PRC1: variants seen among roughly 807,000 people sequenced by gnomAD.
PRC1 encodes anaphase spindle elongation 1 homolog.
PRC1 carries 54 observed loss-of-function variants against 91.2 expected under a neutral mutation model. That is an observed-to-expected ratio of 0.59 (90% CI 0.48 to 0.74). The LOEUF (loss-of-function observed/expected upper bound fraction) is 0.74, where lower values mean the gene tolerates loss of function less well. Among genes scored for constraint, PRC1 ranks in the 30% least tolerant of loss-of-function variants. PRC1 has a pLI of 0.00. For synonymous variants in PRC1, 275 were observed against 263.6 expected (o/e 1.04, Z -0.42); for missense variants, 727 against 746.2 (o/e 0.97, Z 0.30).
At chr15:90,969,280 C>T (rs1217233588) in intron 13 of PRC1, among the ~76,000 whole-genome samples, 160 bp from the exon 14 acceptor site, 3 of 144,736 alleles carry the variant, frequency 2.1e-5, no homozygotes, top group African/African-American at 5.8e-5. Flanking sequence ...TCCTACACAA[C>T]CCCCCCTTAA....
At position 90,967,029 on chromosome 15, in the gene PRC1, GT is replaced by G; in HGVS notation, c.*101del. ...CCCATGGTCATGGAACCTGGCCAAG[GT>G]TTCAAGCACGCCTAAGCTGAAGAAA... On this transcript the variant is annotated 3_prime_UTR_variant, in exon 15 of 15. Transcript: ENST00000394249. The G allele has an allele frequency of 9.6e-7, 1 of 1,043,174 alleles. No individual in the cohort carries two copies. The highest frequency in any genetic ancestry group is 2.4e-5 in the East Asian group (1 of 42,052). 64.6% of individuals were successfully genotyped at this position (1,043,174 alleles called of 1,614,324 possible).
chr15:90,980,110 G>A (rs996823458), intron 7 of PRC1, 132 bp downstream of exon 7: 58 of 1,137,854 alleles, frequency 5.1e-5, no homozygotes, highest in Admixed American at 1.0e-4. Context: ...TTTTGGCTGG[G>A]TGTGGTGGCC....
chr15:90,981,357 T>C, intron 5 of PRC1, 142 bp downstream of exon 5: 1 of 947,248 alleles, frequency 1.1e-6, no homozygotes, highest in Non-Finnish European at 1.5e-6. Context: ...CAAGGTTGTA[T>C]ATCATATATT....
At chr15:90,986,375 T>C (rs1384539819) in intron 1 of PRC1, among the ~76,000 whole-genome samples, 3 of 152,204 alleles carry the variant, frequency 2.0e-5, no homozygotes, top group Non-Finnish European at 4.4e-5. Context: ...ACACCTGTAA[T>C]TCCAGGACTC....
intron 1 of PRC1, among the ~76,000 whole-genome samples, chr15:90,993,110 A>C (rs1372833105): frequency 6.9e-6 from 1 of 145,628 alleles, no homozygotes; most frequent in Non-Finnish European, 1.5e-5. Flanking sequence ...AGTTAATTAT[A>C]TCCATTAGCC....
At chr15:90,978,391 C>G (rs116801237) in intron 8 of PRC1, among the ~76,000 whole-genome samples, 3 of 151,128 alleles carry the variant, frequency 2.0e-5, no homozygotes, top group African/African-American at 7.4e-5. Flanking sequence ...TGAAGAGAGC[C>G]GGGAAGAGCT....
Position 90,969,075 on chromosome 15 carries a change from A to G in PRC1, c.1791+4T>C, listed in dbSNP as rs371702833. On this transcript the variant is annotated splice_donor_region_variant and intron_variant, in intron 14 of 14. Coordinates refer to ENST00000394249, the MANE Select transcript of PRC1 (RefSeq NM_003981.4). ...AAGGGACATGCAGGGATTGCCATAC[A>G]GACCTGAAGCCCAACAGTGGAACTG... The G allele has an allele frequency of 1.1e-4, 182 of 1,614,050 alleles. No individual in the cohort carries two copies. Among genetic ancestry groups the G allele is most frequent in the Non-Finnish European group, 1.4e-4 (164 of 1,180,004 alleles).
chr15:90,974,287 G>T lies in PRC1; in HGVS notation c.1351-41C>A, dbSNP rs1352359005. On this transcript the variant is annotated intron_variant, in intron 10 of 14. Coordinates refer to ENST00000394249, the MANE Select transcript of PRC1 (RefSeq NM_003981.4). The surrounding 1 kb of genome is among the most constrained non-coding windows in gnomAD (Gnocchi z 4.6). The stretch of plus-strand genomic sequence containing the variant: ...AAGCAACAGTGATAAATCTCAGGAA[G>T]AGAGCGGGTCTGGGATGGCAACAGC... 1.3e-6 allele frequency: 2 copies of T among 1,549,596 alleles called. No individual in the cohort carries two copies. The highest frequency in any genetic ancestry group is 1.8e-6 in the Non-Finnish European group (2 of 1,122,500).
Position 90,974,018 on chromosome 15 carries a change from G to A in PRC1, c.1461+118C>T. ...GTCTTATTTCTTTTCTCTGTCTCTTGTCCCACCTGATGAGAAATACCCACA... is the reference window on the plus strand; with the variant it reads ...GTCTTATTTCTTTTCTCTGTCTCTTATCCCACCTGATGAGAAATACCCACA... On this transcript the variant is annotated intron_variant, in intron 11 of 14. Coordinates refer to ENST00000394249, the MANE Select transcript of PRC1 (RefSeq NM_003981.4). This position sits in a 1 kb window ranked among gnomAD's most constrained non-coding sequence, Gnocchi z 4.6. 1 of 798,896 alleles carries A rather than the reference G, an allele frequency of 1.3e-6. No homozygotes were observed. The allele number at this position is 798,896 out of a possible 1,614,324, so 49.5% of individuals were successfully genotyped here.
Position 90,966,745 on chromosome 15 carries a change from C to CTAGTT in PRC1, c.*381_*385dup. On this transcript the variant is annotated 3_prime_UTR_variant, in exon 15 of 15. Coordinates refer to ENST00000394249, the MANE Select transcript of PRC1 (RefSeq NM_003981.4). ...GCCTAAACAAAAAAGATGTTAATTA[C>CTAGTT]TAGTTACAGGTATACATGCCAAAAT... 1 of 446,460 alleles carries CTAGTT rather than the reference C, an allele frequency of 2.2e-6. No homozygotes were observed. The highest frequency in any genetic ancestry group is 4.5e-6 in the Non-Finnish European group (1 of 221,662). 27.7% of individuals were successfully genotyped at this position (446,460 alleles called of 1,614,324 possible).
chr15:90,972,681 G>A (rs936032682), intron 11 of PRC1, among the ~76,000 whole-genome samples: 1 of 152,018 alleles, frequency 6.6e-6, no homozygotes, highest in South Asian at 2.1e-4. Context: ...AGAGGCTGTA[G>A]TGAGCTGAGA....
chr15:90,982,911 A>T (rs16945132), intron 3 of PRC1, among the ~76,000 whole-genome samples: 6 of 151,710 alleles, frequency 4.0e-5, no homozygotes, highest in African/African-American at 1.2e-4. Flanking sequence ...CTCTACTCCT[A>T]ACTGGTTAAC....
chr15:90,974,161 G>C lies in PRC1; in HGVS notation c.1436C>G (p.Pro479Arg). Residue 479 changes from proline (P) to arginine (R), a missense_variant, in exon 11 of 15, where the codon CCC becomes CGC. Coordinates refer to ENST00000394249, the MANE Select transcript of PRC1 (RefSeq NM_003981.4). The surrounding 1 kb of genome is among the most constrained non-coding windows in gnomAD (Gnocchi z 4.6). The stretch of plus-strand genomic sequence containing the variant: ...CTTACGTGCTTTGCCCGGTGTATTG[G>C]GAGCCAGTCCTCGCCGCTTGCTAGG... ...RTPSKRRGLA[P>R]NTPGKARKLN... is the part of the protein sequence containing the mutation. 6.2e-7 allele frequency: 1 copy of C among 1,614,062 alleles called. No individual in the cohort carries two copies. The highest frequency in any genetic ancestry group is 8.5e-7 in the Non-Finnish European group (1 of 1,179,952).
In PRC1 at chr15:90,981,602, T is replaced by C; in HGVS notation, c.569A>G (p.His190Arg). The part of the protein sequence containing the change: ...QIILCMEALD[H>R]TPDTSFERDV... ...TCTTTCAAAGCTTGTGTCTGGGGTG[T>C]GGTCTAATGCTTCCATACACAGTAT... Residue 190 changes from histidine (H) to arginine (R), a missense_variant, in exon 5 of 15, where the codon CAC becomes CGC. Physicochemically the swap from His to Arg is conservative, Grantham distance 29. Coordinates refer to ENST00000394249, the MANE Select transcript of PRC1 (RefSeq NM_003981.4). 6.2e-7 allele frequency: 1 copy of C among 1,613,988 alleles called. No homozygotes were observed. Among genetic ancestry groups the C allele is most frequent in the East Asian group, 2.2e-5 (1 of 44,878 alleles).
At position 90,974,155 on chromosome 15, in the gene PRC1, G is replaced by A. The variant is rs1234725723; in HGVS notation, c.1442C>T (p.Thr481Ile). ...GTTTACCTTACGTGCTTTGCCCGGTGTATTGGGAGCCAGTCCTCGCCGCTT... is the reference window on the plus strand; with the variant it reads ...GTTTACCTTACGTGCTTTGCCCGGTATATTGGGAGCCAGTCCTCGCCGCTT... ...PSKRRGLAPN[T>I]PGKARKLNTT... is the part of the protein sequence containing the mutation. Residue 481 changes from threonine (T) to isoleucine (I), a missense_variant, in exon 11 of 15, where the codon ACA (threonine) becomes ATA (isoleucine). Coordinates refer to ENST00000394249, the MANE Select transcript of PRC1 (RefSeq NM_003981.4). The surrounding 1 kb of genome is among the most constrained non-coding windows in gnomAD (Gnocchi z 4.6). 3 of 1,613,862 alleles carry A rather than the reference G, an allele frequency of 1.9e-6. No homozygotes were observed. Among genetic ancestry groups the A allele is most frequent in the Admixed American group, 1.7e-5 (1 of 59,996 alleles).
chr15:90,992,290 G>A (rs2040023286), intron 1 of PRC1, among the ~76,000 whole-genome samples: 1 of 152,082 alleles, frequency 6.6e-6, no homozygotes, highest in African/African-American at 2.4e-5. Context: ...CTCCTCTTTT[G>A]CTATTAGAAT....
intron 3 of PRC1, among the ~76,000 whole-genome samples, chr15:90,983,180 T>C (rs998309660): frequency 6.6e-6 from 1 of 152,194 alleles, no homozygotes; most frequent in Non-Finnish European, 1.5e-5. Context: ...TCTGCCTGAT[T>C]GCTCTTGGCT....
At chr15:90,969,335 G>A (rs2037843091) in intron 13 of PRC1, 112 bp downstream of exon 13, 1 of 1,381,832 alleles carries the variant, frequency 7.2e-7, no homozygotes, top group Non-Finnish European at 9.9e-7. Flanking sequence ...GGGATTCTCA[G>A]CCTCCAAGGT....
At chr15:90,976,360 T>TC (rs2038696530) in intron 9 of PRC1, among the ~76,000 whole-genome samples, 3 of 151,470 alleles carry the variant, frequency 2.0e-5, no homozygotes, top group African/African-American at 7.3e-5. Context: ...ACCAGGCTGG[T>TC]CTTGAACTCC....
Sources: allele counts gnomAD v4.1 joint callset (sites outside exome capture counted in the v4.1 genomes callset), GRCh38; gene constraint gnomAD v4.1.1; non-coding constraint Gnocchi (gnomAD v3.1); transcripts MANE v1.5; gene names NCBI Gene and HGNC (gene_info 2026-07-23, HGNC 2026-07-21).